The following RNF180 variants were observed in gnomAD, a reference collection of about 807,000 sequenced individuals.
RNF180 encodes the protein ring finger protein 180, also known as E3 ubiquitin-protein ligase RNF180.
A neutral mutation model predicts 59.2 loss-of-function variants in RNF180; 38 were observed. The ratio of observed to expected loss-of-function variants is 0.64; its 90% confidence interval spans 0.50 to 0.84. RNF180 has a LOEUF of 0.84. RNF180 is among the 40% of genes least tolerant of loss of function. RNF180 has a pLI of 0.00. For synonymous variants in RNF180, 262 were observed against 240.3 expected (o/e 1.09, Z -0.84); for missense variants, 705 against 700.9 (o/e 1.01, Z -0.07).
At chr5:64,284,467 T>C (rs1306426744) in intron 5 of RNF180, among the ~76,000 whole-genome samples, 1 of 152,222 alleles carries the variant, frequency 6.6e-6, no homozygotes, top group African/African-American at 2.4e-5. Context: ...GCTTGATGTC[T>C]CCATTTCACC....
At chr5:64,325,711 A>AT (rs1435532881) in intron 6 of RNF180, among the ~76,000 whole-genome samples, 9 of 152,142 alleles carry the variant, frequency 5.9e-5, no homozygotes, top group Admixed American at 1.3e-4. Flanking sequence ...GCTGTTGATT[A>AT]TTTATTCCTC....
intron 5 of RNF180, among the ~76,000 whole-genome samples, chr5:64,281,684 G>T (rs554427527): frequency 1.3e-5 from 2 of 152,216 alleles, no homozygotes; most frequent in East Asian, 3.9e-4. Flanking sequence ...TTTCAGTAGA[G>T]ACAAGGTTTC....
chr5:64,346,296 G>GTT lies in RNF180; in HGVS notation c.1579+15898_1579+15899dup, dbSNP rs144825664. 4.8e-4 allele frequency among the ~76,000 whole-genome samples: 52 copies of GTT among 108,938 alleles called. 1 individual carries two copies. Among genetic ancestry groups the GTT allele is most frequent in the East Asian group, 1.6e-3 (5 of 3,128 alleles). 71.5% of individuals were successfully genotyped at this position (108,938 alleles called of 152,430 possible). On this transcript the variant is annotated intron_variant, in intron 7 of 7. Transcript: ENST00000389100. ...GAAGATAAGAGCTAAGGTTTGGTTT[G>GTT]TTTTTTTTTGAAACAAAAACAATTC...
chr5:64,291,511 G>A (rs1431491196), intron 5 of RNF180, among the ~76,000 whole-genome samples: 7 of 133,704 alleles, frequency 5.2e-5, no homozygotes, highest in East Asian at 4.9e-4. Context: ...TGCAAGCTCC[G>A]CCTGCCGGGT....
intron 2 of RNF180, among the ~76,000 whole-genome samples, chr5:64,211,230 A>C (rs1176585703): frequency 6.6e-6 from 1 of 152,160 alleles, no homozygotes; most frequent in East Asian, 1.9e-4. Flanking sequence ...CATAATGTTC[A>C]AGTTGTTACC....
chr5:64,319,979 C>T (rs1286453084), intron 5 of RNF180, among the ~76,000 whole-genome samples: 2 of 152,210 alleles, frequency 1.3e-5, no homozygotes, highest in Non-Finnish European at 2.9e-5. Flanking sequence ...AATTATAGGT[C>T]ATGATATGAA....
chr5:64,246,091 C>T (rs1000173059), intron 5 of RNF180, among the ~76,000 whole-genome samples: 7 of 152,118 alleles, frequency 4.6e-5, no homozygotes, highest in African/African-American at 1.2e-4. Context: ...GTCAACATAC[C>T]GGAATTTCTG....
At chr5:64,182,041 GA>G (rs1275515802) in intron 1 of RNF180, among the ~76,000 whole-genome samples, 1 of 145,502 alleles carries the variant, frequency 6.9e-6, no homozygotes, top group Non-Finnish European at 1.5e-5. Flanking sequence ...TTCCAGGCTG[GA>G]GTGCAGTGGC....
chr5:64,204,129 T>TTTAG (rs1334775697), intron 2 of RNF180, among the ~76,000 whole-genome samples: 1 of 152,140 alleles, frequency 6.6e-6, no homozygotes, highest in Non-Finnish European at 1.5e-5. Context: ...CGAGTGTAGA[T>TTTAG]TTAGTTCATT....
intron 5 of RNF180, among the ~76,000 whole-genome samples, chr5:64,224,268 A>G (rs1399185766): frequency 6.6e-6 from 1 of 152,154 alleles, no homozygotes; most frequent in East Asian, 1.9e-4. Flanking sequence ...TATAGAGGGA[A>G]AGACAGCTGA....
At chr5:64,333,717 T>G (rs1225360946) in intron 7 of RNF180, among the ~76,000 whole-genome samples, 1 of 152,220 alleles carries the variant, frequency 6.6e-6, no homozygotes, top group Non-Finnish European at 1.5e-5. Context: ...AGCTATAATT[T>G]AAAGCAGTTG....
At chr5:64,234,850 TG>T (rs1742335156) in intron 5 of RNF180, among the ~76,000 whole-genome samples, 1 of 151,792 alleles carries the variant, frequency 6.6e-6, no homozygotes, top group African/African-American at 2.4e-5. Flanking sequence ...CCACCCTCCT[TG>T]GCCTCCCGAG....
chr5:64,323,312 A>T (rs999915881), intron 5 of RNF180, among the ~76,000 whole-genome samples: 1 of 152,124 alleles, frequency 6.6e-6, no homozygotes, highest in Non-Finnish European at 1.5e-5. Flanking sequence ...GGGCCAAGGC[A>T]TGTGGATCAC....
At chr5:64,243,966 C>G (rs181610966) in intron 5 of RNF180, among the ~76,000 whole-genome samples, 1 of 152,244 alleles carries the variant, frequency 6.6e-6, no homozygotes, top group East Asian at 1.9e-4. Context: ...TAGTGGACCT[C>G]CAGCAAACTC....
chr5:64,225,945 G>A (rs1326254295), intron 5 of RNF180, among the ~76,000 whole-genome samples: 4 of 139,630 alleles, frequency 2.9e-5, no homozygotes, highest in Non-Finnish European at 4.6e-5. Flanking sequence ...GCCTCTGCCC[G>A]GCTGCCCCGT....
intron 5 of RNF180, among the ~76,000 whole-genome samples, chr5:64,316,194 G>T (rs1381729284): frequency 6.6e-6 from 1 of 152,164 alleles, no homozygotes; most frequent in East Asian, 1.9e-4. Flanking sequence ...ACAGGCACAT[G>T]TCACTGTCCC....
chr5:64,184,546 G>A (rs1221530529), intron 1 of RNF180, among the ~76,000 whole-genome samples: 1 of 152,072 alleles, frequency 6.6e-6, no homozygotes, highest in African/African-American at 2.4e-5. Flanking sequence ...AGTCTGTATT[G>A]CAAAGGTACA....
Position 64,214,239 on chromosome 5 carries a change from C to G in RNF180, c.913C>G (p.Gln305Glu), listed in dbSNP as rs761055831. 16 of 1,613,890 alleles carry G rather than the reference C, an allele frequency of 9.9e-6. No individual in the cohort carries two copies. The highest frequency in any genetic ancestry group is 2.7e-5 in the African/African-American group (2 of 74,888). Residue 305 changes from glutamine (Q) to glutamate (E), a missense_variant, in exon 4 of 8, where the codon CAA becomes GAA. By Grantham distance (29) the Gln-to-Glu change is conservative (BLOSUM62 2). Coordinates refer to ENST00000389100, the MANE Select transcript of RNF180 (RefSeq NM_001113561.2). The part of the protein sequence containing the change: ...FSVAPHETQT[Q>E]RGGEFQCGLE... ...AGTGGCCCCCCATGAGACCCAGACA[C>G]AAAGAGGAGGAGAATTTCAGTGTGG...
intron 7 of RNF180, among the ~76,000 whole-genome samples, chr5:64,345,978 C>T (rs562186405): frequency 8.1e-6 from 1 of 123,058 alleles, no homozygotes; most frequent in East Asian, 2.0e-4. Flanking sequence ...TTACAGTTTG[C>T]AATCATTGAT....
Sources: allele counts gnomAD v4.1 joint callset (sites outside exome capture counted in the v4.1 genomes callset), GRCh38; gene constraint gnomAD v4.1.1; transcripts MANE v1.5; gene names NCBI Gene and HGNC (gene_info 2026-07-23, HGNC 2026-07-21).